Variants in NCOA1 observed in about 807,000 individuals in gnomAD.
NCOA1 encodes the protein nuclear receptor coactivator 1.
NCOA1 carries 35 observed loss-of-function variants against 150.9 expected under a neutral mutation model. The ratio of observed to expected loss-of-function variants is 0.23; its 90% CI spans 0.18 to 0.31. NCOA1 has a LOEUF of 0.31. Ranked by LOEUF, NCOA1 falls within the 10% of genes least tolerant of loss-of-function variation. The probability of loss-of-function intolerance (pLI) is 1.00; values close to 1 mark genes in which losing one functional copy is unlikely to be tolerated. For missense variants in NCOA1, 1,491 were observed against 1,749.3 expected (o/e 0.85, Z 2.63); for synonymous variants, 590 against 630.0 (o/e 0.94, Z 0.95).
intron 7 of NCOA1, among the ~76,000 whole-genome samples, chr2:24,675,224 T>A (rs1264837945): frequency 2.0e-5 from 3 of 152,362 alleles, no homozygotes. Flanking sequence ...ATCAGTTGCA[T>A]TTCTCTGATT....
At chr2:24,515,515 G>T (rs1664127776) in intron 1 of NCOA1, among the ~76,000 whole-genome samples, 3 of 152,200 alleles carry the variant, frequency 2.0e-5, no homozygotes, top group African/African-American at 7.2e-5. Flanking sequence ...GGGTATTACA[G>T]ATGTGAGTCA....
rs150469314 is a variant in NCOA1 at position 24,652,411 on chromosome 2, A to G, written c.-17-6250A>G. On this transcript the variant is annotated intron_variant, in intron 4 of 22. Transcript: ENST00000348332. ...CCTGTGTGATGCCCTTCATACAACT[A>G]TTAACTTGGGGATATTTAGCTCTCA... Among the ~76,000 whole-genome samples the G allele has an allele frequency of 2.6e-4, 39 of 152,214 alleles. 3 individuals are homozygous for G. The East Asian group carries it at 7.5e-3, about 29-fold the overall frequency.
At position 24,530,295 on chromosome 2, in the gene NCOA1, C is replaced by T. The variant is rs540430068; in HGVS notation, c.-395-34000C>T. ...TTAAATTTGCCTTCCCATTTATTTA[C>T]GTTGGAATGTTTTAGTGAGAATCTT... On this transcript the variant is annotated intron_variant, in intron 1 of 22. Coordinates refer to ENST00000348332, the MANE Select transcript of NCOA1 (RefSeq NM_003743.5). Among the ~76,000 whole-genome samples, 27 of 152,282 alleles carry T rather than the reference C, an allele frequency of 1.8e-4. 1 individual carries two copies. The South Asian group carries it at 3.7e-3, about 21-fold the overall frequency.
intron 1 of NCOA1, among the ~76,000 whole-genome samples, chr2:24,537,905 G>T (rs1023344184): frequency 2.0e-5 from 3 of 152,090 alleles, no homozygotes; most frequent in Admixed American, 1.3e-4. Flanking sequence ...TGTTTTGATT[G>T]CAATTCTGTA....
chr2:24,549,517 T>A (rs1389677766), intron 1 of NCOA1, among the ~76,000 whole-genome samples: 1 of 152,122 alleles, frequency 6.6e-6, no homozygotes, highest in Non-Finnish European at 1.5e-5. Flanking sequence ...AAAATAGGAT[T>A]TTCTTCTCTA....
intron 19 of NCOA1, among the ~76,000 whole-genome samples, chr2:24,751,267 C>T (rs568798052): frequency 1.1e-4 from 17 of 150,926 alleles, no homozygotes; most frequent in Non-Finnish European, 1.9e-4. Context: ...CACCCGGCCA[C>T]ACGTGGCTTT....
At chr2:24,584,307 G>A (rs1048284346) in intron 2 of NCOA1, among the ~76,000 whole-genome samples, 169 bp from the exon 3 acceptor site, 2 of 152,054 alleles carry the variant, frequency 1.3e-5, no homozygotes, top group Admixed American at 6.5e-5. Flanking sequence ...ATGTCCCAGT[G>A]TAGTTTATAT....
chr2:24,601,051 T>C (rs965007168), intron 3 of NCOA1, among the ~76,000 whole-genome samples: 9 of 152,192 alleles, frequency 5.9e-5, no homozygotes, highest in African/African-American at 2.2e-4. Context: ...AAAAATAGAA[T>C]GTTTAAAATA....
chr2:24,651,314 TG>T (rs746786570), intron 4 of NCOA1, among the ~76,000 whole-genome samples: 24 of 152,170 alleles, frequency 1.6e-4, no homozygotes, highest in Non-Finnish European at 2.6e-4. Context: ...GGTTGCTCAG[TG>T]GACAAATAGA....
At chr2:24,641,991 A>G (rs1030092056) in intron 3 of NCOA1, among the ~76,000 whole-genome samples, 1 of 144,188 alleles carries the variant, frequency 6.9e-6, no homozygotes, top group African/African-American at 2.6e-5. Context: ...TGGTATTGCC[A>G]GCAGATTACA....
chr2:24,565,718 G>A (rs1009240815), intron 2 of NCOA1, among the ~76,000 whole-genome samples: 3 of 152,206 alleles, frequency 2.0e-5, no homozygotes, highest in African/African-American at 7.2e-5. Flanking sequence ...CCAAGGGCGA[G>A]CGGAGCAGCA....
At chr2:24,576,663 C>T (rs1667004872) in intron 2 of NCOA1, among the ~76,000 whole-genome samples, 1 of 152,166 alleles carries the variant, frequency 6.6e-6, no homozygotes, top group African/African-American at 2.4e-5. Context: ...AACTTCTCCT[C>T]CTCCTTTTTC....
chr2:24,514,310 A>T (rs1300749131), intron 1 of NCOA1, among the ~76,000 whole-genome samples: 1 of 150,574 alleles, frequency 6.6e-6, no homozygotes, highest in Admixed American at 6.6e-5. Flanking sequence ...AAAAAAAGGA[A>T]AAAAACAAAA....
At chr2:24,644,840 T>G (rs1452633811) in intron 4 of NCOA1, among the ~76,000 whole-genome samples, 1 of 152,248 alleles carries the variant, frequency 6.6e-6, no homozygotes, top group Non-Finnish European at 1.5e-5. Flanking sequence ...TTATTTATTA[T>G]GTACTGAACA....
intron 13 of NCOA1, 84 bp downstream of exon 13, chr2:24,707,972 G>C (rs2148596896): frequency 6.9e-7 from 1 of 1,440,530 alleles, no homozygotes; most frequent in East Asian, 2.4e-5. Context: ...GACCAGATAT[G>C]AATTCATACT....
At chr2:24,504,963 C>T (rs1663627063) in intron 1 of NCOA1, among the ~76,000 whole-genome samples, 1 of 151,958 alleles carries the variant, frequency 6.6e-6, no homozygotes, top group Non-Finnish European at 1.5e-5. Flanking sequence ...CTGTTTTCTC[C>T]ATTTTTTGTT....
intron 3 of NCOA1, among the ~76,000 whole-genome samples, chr2:24,614,196 A>ATTTTTTTTTTTT: frequency 7.6e-5 from 1 of 13,158 alleles, no homozygotes; most frequent in Non-Finnish European, 1.8e-4. Flanking sequence ...ATTCATTTCC[A>ATTTTTTTTTTTT]TTCTTTTTTT....
chr2:24,728,611 AAT>A (rs1455917088), intron 16 of NCOA1, 135 bp downstream of exon 16: 2 of 663,834 alleles, frequency 3.0e-6, no homozygotes, highest in African/African-American at 1.9e-5. Context: ...AACTTATCAA[AAT>A]ATATGAGTTT....
intron 3 of NCOA1, among the ~76,000 whole-genome samples, chr2:24,632,653 A>G (rs571213189): frequency 6.6e-6 from 1 of 152,314 alleles, no homozygotes; most frequent in African/African-American, 2.4e-5. Flanking sequence ...AATAGGAGGA[A>G]TCTTTTTGGG....
Sources: allele counts gnomAD v4.1 joint callset (sites outside exome capture counted in the v4.1 genomes callset), GRCh38; gene constraint gnomAD v4.1.1; transcripts MANE v1.5; gene names NCBI Gene and HGNC (gene_info 2026-07-23, HGNC 2026-07-21).